Variants in POLDIP3 observed in about 807,000 individuals in gnomAD.
POLDIP3 encodes polymerase delta-interacting protein 3.
POLDIP3 carries 14 observed loss-of-function variants against 45.1 expected under a neutral mutation model. The observed-to-expected ratio is 0.31, with a 90% CI of 0.20 to 0.49. The LOEUF is 0.49. Ranked by LOEUF, POLDIP3 falls within the 20% of genes least tolerant of loss-of-function variation. The pLI is 0.99. For missense variants in POLDIP3, 511 were observed against 538.8 expected, an observed-to-expected ratio of 0.95 and a Z score of 0.51; for synonymous variants, 223 against 205.2, an observed-to-expected ratio of 1.09 and a Z score of -0.74.
At chr22:42,607,165 G>A (rs1032432468) in intron 1 of POLDIP3, among the ~76,000 whole-genome samples, 4 of 152,140 alleles carry the variant, frequency 2.6e-5, no homozygotes, top group Non-Finnish European at 5.9e-5. Context: ...ATGCCGAGCC[G>A]AGGCTGGACT....
At position 42,602,890 on chromosome 22, in the gene POLDIP3, C is replaced by A. The variant is rs575545967; in HGVS notation, c.330G>T (p.Lys110Asn). Residue 110 changes from lysine (K) to asparagine (N), a missense_variant, in exon 2 of 9, where the codon AAG becomes AAT. This residue lies in a region of POLDIP3 where 378 missense variants were observed against 352.3 expected (regional missense o/e 1.07). Coordinates refer to ENST00000252115, the MANE Select transcript of POLDIP3 (RefSeq NM_032311.5). ...SRKQQTTVPQ[K>N]PRQVADAREK... ...CCCGGGCATCAGCAACCTGGCGGGG[C>A]TTCTGGGGCACCGTGGTCTGCTGCT... 3.1e-6 allele frequency: 5 copies of A among 1,613,776 alleles called. No individual in the cohort carries two copies. Among genetic ancestry groups the A allele is most frequent in the Non-Finnish European group, 4.2e-6 (5 of 1,179,998 alleles).
intron 4 of POLDIP3, chr22:42,597,637 A>G (rs1926076761): frequency 2.2e-6 from 1 of 453,182 alleles, no homozygotes; most frequent in Non-Finnish European, 4.5e-6. Flanking sequence ...TATGGCATTT[A>G]TTCAATTAGG....
intron 1 of POLDIP3, among the ~76,000 whole-genome samples, chr22:42,611,014 G>A (rs1399974728): frequency 1.3e-5 from 2 of 152,212 alleles, no homozygotes; most frequent in Non-Finnish European, 1.5e-5. Context: ...AAAGTCACTG[G>A]AGATGTGCTG....
At chr22:42,597,422 G>A (rs112079869) in intron 4 of POLDIP3, among the ~76,000 whole-genome samples, 9 of 152,290 alleles carry the variant, frequency 5.9e-5, no homozygotes, top group African/African-American at 2.2e-4. Flanking sequence ...GTGGAATTCT[G>A]CGTCTCCAGA....
Position 42,584,161 on chromosome 22 carries a change from T to C in POLDIP3, c.*1630A>G, listed in dbSNP as rs375071700. The C allele has an allele frequency of 6.5e-6, 1 of 153,010 alleles. No homozygotes were observed. Among genetic ancestry groups the C allele is most frequent in the African/African-American group, 2.4e-5 (1 of 41,574 alleles). The allele number at this position is 153,010 out of a possible 1,614,324, so 9.5% of individuals were successfully genotyped here. The stretch of plus-strand genomic sequence containing the variant: ...GTCCTACTGCCTTCTGGATGCTCTC[T>C]TGGGCCAGGAAGGGAAAAGTGTGGG... On this transcript the variant is annotated 3_prime_UTR_variant, in exon 9 of 9. Transcript: ENST00000252115.
In POLDIP3 at chr22:42,584,323, C is replaced by T. The variant is rs1338977586; in HGVS notation, c.*1468G>A. On this transcript the variant is annotated 3_prime_UTR_variant, in exon 9 of 9. Coordinates refer to ENST00000252115, the MANE Select transcript of POLDIP3 (RefSeq NM_032311.5). ...CTTGGACTTTCCCGTCCTGGGCAGC[C>T]TCAGAGCCTGCACACTGAAGCTGGG... 6.4e-6 allele frequency: 1 copy of T among 157,326 alleles called. No homozygotes were observed. Among genetic ancestry groups the T allele is most frequent in the Non-Finnish European group, 1.4e-5 (1 of 70,772 alleles). The allele number at this position is 157,326 out of a possible 1,614,324, so 9.7% of individuals were successfully genotyped here. A position where few individuals can be genotyped will look rare whatever the true frequency, so the allele number is the denominator to read the frequency against.
chr22:42,603,222 G>T, intron 1 of POLDIP3, 62 bp from the exon 2 acceptor site: 2 of 1,552,772 alleles, frequency 1.3e-6, no homozygotes, highest in South Asian at 2.4e-5. Flanking sequence ...GTCTATGAAA[G>T]CGGAACTGTG....
chr22:42,602,652 T>A, intron 2 of POLDIP3, 118 bp downstream of exon 2: 1 of 1,194,346 alleles, frequency 8.4e-7, no homozygotes, highest in Non-Finnish European at 1.2e-6. Context: ...GAGCAAAGTC[T>A]GTATTATGCC....
chr22:42,598,944 CTGCA>C (rs1926172908), intron 4 of POLDIP3, among the ~76,000 whole-genome samples: 1 of 152,254 alleles, frequency 6.6e-6, no homozygotes, highest in Non-Finnish European at 1.5e-5. Context: ...CAAGCTTTCC[CTGCA>C]TGCAGGCTGC....
intron 7 of POLDIP3, among the ~76,000 whole-genome samples, chr22:42,590,397 T>C (rs1364915081): frequency 6.6e-6 from 1 of 152,090 alleles, no homozygotes; most frequent in Non-Finnish European, 1.5e-5. Flanking sequence ...TTGCACAGGT[T>C]GGTCTCAAGT....
intron 8 of POLDIP3, among the ~76,000 whole-genome samples, chr22:42,586,245 C>T (rs908523755): frequency 6.6e-6 from 1 of 152,152 alleles, no homozygotes; most frequent in East Asian, 1.9e-4. Context: ...TTTGTAGAGA[C>T]CAGGTCTTGC....
chr22:42,613,474 G>A (rs555794885), intron 1 of POLDIP3, among the ~76,000 whole-genome samples: 7 of 152,286 alleles, frequency 4.6e-5, no homozygotes, highest in Admixed American at 1.3e-4. Flanking sequence ...AAACATCTGC[G>A]GAATGGCCGG....
At position 42,584,875 on chromosome 22, in the gene POLDIP3, C is replaced by T. The variant is rs1423062098; in HGVS notation, c.*916G>A. ...AAATGGAGAGCCAGGAACAAACTGA[C>T]CTCTTCCATTCAAATAAGCTCCAAA... On this transcript the variant is annotated 3_prime_UTR_variant, in exon 9 of 9. Coordinates refer to ENST00000252115, the MANE Select transcript of POLDIP3 (RefSeq NM_032311.5). 2.2e-6 allele frequency: 1 copy of T among 456,110 alleles called. No homozygotes were observed. Among genetic ancestry groups the T allele is most frequent in the Non-Finnish European group, 4.4e-6 (1 of 226,954 alleles). 28.3% of individuals were successfully genotyped at this position (456,110 alleles called of 1,614,324 possible).
chr22:42,598,714 T>C (rs1450099823), intron 4 of POLDIP3, among the ~76,000 whole-genome samples: 1 of 152,154 alleles, frequency 6.6e-6, no homozygotes, highest in Non-Finnish European at 1.5e-5. Flanking sequence ...ACCAGGAGGC[T>C]GGTCCACATA....
Position 42,599,897 on chromosome 22 carries a change from G to C in POLDIP3, c.538-104C>G, listed in dbSNP as rs558988053. 1.1e-5 allele frequency: 9 copies of C among 821,460 alleles called. No homozygotes were observed. The South Asian group carries it at 1.3e-4, about 12-fold the overall frequency. The allele number at this position is 821,460 out of a possible 1,614,324, so 50.9% of individuals were successfully genotyped here. ...GAAATGGCTGCTGGAGAAACAAAGG[G>C]ACCAAGGAGAAGTGGGCACAGGGGT... On this transcript the variant is annotated intron_variant, in intron 3 of 8. Coordinates refer to ENST00000252115, the MANE Select transcript of POLDIP3 (RefSeq NM_032311.5).
At chr22:42,600,625 C>CAA (rs531768394) in intron 3 of POLDIP3, among the ~76,000 whole-genome samples, 4 of 122,152 alleles carry the variant, frequency 3.3e-5, no homozygotes, top group African/African-American at 6.1e-5. Flanking sequence ...GACTCGGTCT[C>CAA]AAAAAAAAAA....
In POLDIP3 at chr22:42,602,858, ATCT is replaced by A. The variant is rs773725601; in HGVS notation, c.359_361del (p.Lys120del). The stretch of plus-strand genomic sequence containing the variant: ...AGCAGGGGAACTCCTCTTCAAGCTG[ATCT>A]TCTCCCGGGCATCAGCAACCTGGCG... On this transcript the variant is annotated inframe_deletion, in exon 2 of 9. Coordinates refer to ENST00000252115, the MANE Select transcript of POLDIP3 (RefSeq NM_032311.5). 3.8e-5 allele frequency: 61 copies of A among 1,613,430 alleles called. No individual in the cohort carries two copies. The highest frequency in any genetic ancestry group is 2.0e-4 in the Admixed American group (12 of 60,000).
At chr22:42,590,485 T>C (rs1925594237) in intron 7 of POLDIP3, among the ~76,000 whole-genome samples, 1 of 152,200 alleles carries the variant, frequency 6.6e-6, no homozygotes, top group Non-Finnish European at 1.5e-5. Flanking sequence ...CACCCGGCTG[T>C]ACAGCATGTT....
chr22:42,583,721 T>C lies in POLDIP3; in HGVS notation c.*2070A>G, dbSNP rs969967932. On this transcript the variant is annotated 3_prime_UTR_variant, in exon 9 of 9. Coordinates refer to ENST00000252115, the MANE Select transcript of POLDIP3 (RefSeq NM_032311.5). ...AAAAAAAAAAAAGATAACTCAAAGGTAGGAATAACAAATGTTTATTCAGAA... is the reference window on the plus strand; with the variant it reads ...AAAAAAAAAAAAGATAACTCAAAGGCAGGAATAACAAATGTTTATTCAGAA... 9 of 144,950 alleles carry C rather than the reference T, an allele frequency of 6.2e-5. No homozygotes were observed. The highest frequency in any genetic ancestry group is 1.2e-4 in the Non-Finnish European group (8 of 66,224). The allele number at this position is 144,950 out of a possible 1,614,324, so 9.0% of individuals were successfully genotyped here. A position where few individuals can be genotyped will look rare whatever the true frequency, so the allele number is the denominator to read the frequency against.
Sources: allele counts gnomAD v4.1 joint callset (sites outside exome capture counted in the v4.1 genomes callset), GRCh38; gene constraint gnomAD v4.1.1; regional missense constraint gnomAD v4.1.1; transcripts MANE v1.5; gene names NCBI Gene and HGNC (gene_info 2026-07-23, HGNC 2026-07-21).